MARCHF4: variants seen among roughly 807,000 people sequenced by gnomAD.
MARCHF4 encodes membrane associated ring-CH-type finger 4, also known as E3 ubiquitin-protein ligase MARCHF4.
MARCHF4 carries 14 observed loss-of-function variants against 43.9 expected under a neutral mutation model. The ratio of observed to expected loss-of-function variants is 0.32; its 90% CI spans 0.21 to 0.50. The LOEUF is 0.50. Ranked by LOEUF, MARCHF4 falls within the 20% of genes least tolerant of loss-of-function variation. MARCHF4 has a pLI of 0.98. For synonymous variants in MARCHF4, 226 were observed against 213.3 expected, an observed-to-expected ratio of 1.06 and a Z score of -0.52; for missense variants, 468 against 536.7, an observed-to-expected ratio of 0.87 and a Z score of 1.27.
chr2:216,300,825 C>T (rs1010593811), intron 1 of MARCHF4, among the ~76,000 whole-genome samples: 2 of 152,162 alleles, frequency 1.3e-5, no homozygotes, highest in Non-Finnish European at 2.9e-5. Context: ...AAGGGTATCT[C>T]TTCCCTTTGT....
intron 1 of MARCHF4, among the ~76,000 whole-genome samples, chr2:216,363,752 A>G: frequency 6.6e-6 from 1 of 152,160 alleles, no homozygotes; most frequent in East Asian, 1.9e-4. Flanking sequence ...GAAAATTTAC[A>G]ATTGCAGCAA....
chr2:216,271,818 T>C (rs1026397635), intron 3 of MARCHF4, among the ~76,000 whole-genome samples: 6 of 151,984 alleles, frequency 3.9e-5, no homozygotes, highest in African/African-American at 1.4e-4. Flanking sequence ...TGAGACATGG[T>C]CTTACTGTGT....
Position 216,284,944 on chromosome 2 carries a change from T to A in MARCHF4, c.517-1215A>T, listed in dbSNP as rs1021074607. 4.6e-5 allele frequency among the ~76,000 whole-genome samples: 7 copies of A among 152,286 alleles called. No individual in the cohort carries two copies. The East Asian group carries it at 1.4e-3, about 29-fold the overall frequency. On this transcript the variant is annotated intron_variant, in intron 1 of 3. Transcript: ENST00000273067. The stretch of plus-strand genomic sequence containing the variant: ...CCTGACTTCTCCAGGTTGAGCACAG[T>A]GCTTTGAGCTCTGAGTGCCTTATGC...
chr2:216,352,363 C>T (rs1416960164), intron 1 of MARCHF4, among the ~76,000 whole-genome samples: 1 of 152,176 alleles, frequency 6.6e-6, no homozygotes, highest in Admixed American at 6.5e-5. Flanking sequence ...ACTCAGCTGC[C>T]CCAGCAGATG....
chr2:216,361,761 A>T (rs1324951464), intron 1 of MARCHF4, among the ~76,000 whole-genome samples: 1 of 152,196 alleles, frequency 6.6e-6, no homozygotes, highest in African/African-American at 2.4e-5. Context: ...ACTGTGATGG[A>T]AGCATAGCCT....
chr2:216,342,477 T>C (rs1692252437), intron 1 of MARCHF4, among the ~76,000 whole-genome samples: 1 of 152,092 alleles, frequency 6.6e-6, no homozygotes, highest in Non-Finnish European at 1.5e-5. Context: ...CTGTTGATGG[T>C]TGGGCTGGGG....
chr2:216,294,478 A>G (rs576712310), intron 1 of MARCHF4, among the ~76,000 whole-genome samples: 22 of 152,374 alleles, frequency 1.4e-4, no homozygotes, highest in Admixed American at 3.3e-4. Context: ...AGGCACTTAG[A>G]AACACTTCTG....
At chr2:216,345,799 A>T (rs1692310661) in intron 1 of MARCHF4, among the ~76,000 whole-genome samples, 1 of 152,192 alleles carries the variant, frequency 6.6e-6, no homozygotes, top group African/African-American at 2.4e-5. Flanking sequence ...AGAATCTGCA[A>T]TTCAACAAGG....
chr2:216,332,861 C>T (rs186123542), intron 1 of MARCHF4, among the ~76,000 whole-genome samples: 127 of 152,232 alleles, frequency 8.3e-4, no homozygotes, highest in African/African-American at 2.7e-3. Flanking sequence ...TCCACATACA[C>T]GGATACACAA....
At chr2:216,313,304 G>A (rs1691719766) in intron 1 of MARCHF4, among the ~76,000 whole-genome samples, 2 of 151,998 alleles carry the variant, frequency 1.3e-5, no homozygotes, top group Non-Finnish European at 1.5e-5. Context: ...TGATTTTAGA[G>A]GCAAATGGCA....
chr2:216,340,994 C>T lies in MARCHF4; in HGVS notation c.516+28751G>A, dbSNP rs558696418. On this transcript the variant is annotated intron_variant, in intron 1 of 3. Transcript: ENST00000273067. The stretch of plus-strand genomic sequence containing the variant: ...AGTTAAATGTCCAGGTTGTGAACTA[C>T]GCCCAGTTGTCAGTCAGTCCCTCTT... 8.5e-5 allele frequency among the ~76,000 whole-genome samples: 13 copies of T among 152,290 alleles called. No individual in the cohort carries two copies. The East Asian group carries it at 1.4e-3, about 16-fold the overall frequency.
Position 216,369,872 on chromosome 2 carries a change from A to G in MARCHF4, c.389T>C (p.Leu130Pro). 1 of 1,614,052 alleles carries G rather than the reference A, an allele frequency of 6.2e-7. No homozygotes were observed. The highest frequency in any genetic ancestry group is 8.5e-7 in the Non-Finnish European group (1 of 1,180,032). Residue 130 changes from leucine to proline, a missense_variant, in exon 1 of 4, where the codon CTG becomes CCG. Physicochemically the swap from Leu to Pro is moderately conservative, Grantham distance 98 (BLOSUM62 -3). Transcript: ENST00000273067. Reference protein sequence around the residue: ...GGPATEPPASLLSSASSDDFC... With the variant: ...GGPATEPPASPLSSASSDDFC... Reference sequence around the variant, plus strand: ...GTCATCTGAGGAGGCACTGCTGAGCAGCGAGGCAGGTGGCTCTGTGGCTGG... The same window carrying G: ...GTCATCTGAGGAGGCACTGCTGAGCGGCGAGGCAGGTGGCTCTGTGGCTGG...
At chr2:216,304,840 A>G (rs997486599) in intron 1 of MARCHF4, among the ~76,000 whole-genome samples, 7 of 152,048 alleles carry the variant, frequency 4.6e-5, no homozygotes, top group Admixed American at 2.0e-4. Context: ...TGTAGTCCCA[A>G]CTACTCAGAA....
At chr2:216,365,970 A>T (rs2105987079) in intron 1 of MARCHF4, among the ~76,000 whole-genome samples, 1 of 152,340 alleles carries the variant, frequency 6.6e-6, no homozygotes, top group East Asian at 1.9e-4. Flanking sequence ...TGCCTAGAGC[A>T]TTATAAATCT....
At chr2:216,330,273 A>G (rs1692066138) in intron 1 of MARCHF4, among the ~76,000 whole-genome samples, 1 of 152,178 alleles carries the variant, frequency 6.6e-6, no homozygotes, top group African/African-American at 2.4e-5. Context: ...TTTCATTGAT[A>G]ATGATTTTAT....
chr2:216,292,001 A>G (rs1030533737), intron 1 of MARCHF4, among the ~76,000 whole-genome samples: 1 of 152,086 alleles, frequency 6.6e-6, no homozygotes, highest in African/African-American at 2.4e-5. Context: ...TCAGACCCTT[A>G]CCTTCCTTGT....
At chr2:216,285,309 G>A (rs1451962645) in intron 1 of MARCHF4, among the ~76,000 whole-genome samples, 1 of 152,020 alleles carries the variant, frequency 6.6e-6, no homozygotes, top group African/African-American at 2.4e-5. Context: ...AATGAACTTG[G>A]CAGAAATGCT....
chr2:216,333,461 G>T (rs1349424774), intron 1 of MARCHF4, among the ~76,000 whole-genome samples: 1 of 152,204 alleles, frequency 6.6e-6, no homozygotes, highest in East Asian at 1.9e-4. Flanking sequence ...GCACTGGATT[G>T]ACTCACATTA....
chr2:216,343,856 G>A (rs1398075252), intron 1 of MARCHF4, among the ~76,000 whole-genome samples: 1 of 152,196 alleles, frequency 6.6e-6, no homozygotes, highest in African/African-American at 2.4e-5. Context: ...GGCCAGAAGA[G>A]TAGCTAGAAG....
Sources: gnomAD v4.1 joint callset for allele counts (sites outside exome capture counted in the v4.1 genomes callset) on GRCh38, gnomAD v4.1.1 for gene constraint, MANE v1.5 for transcripts, NCBI Gene and HGNC (gene_info 2026-07-23, HGNC 2026-07-21) for gene names.